Variants in B3GALT1 observed in about 807,000 individuals in gnomAD.
B3GALT1 encodes the protein UDP-Gal:betaGlcNAc beta 1,3-galactosyltransferase, polypeptide 1.
In B3GALT1, 10 loss-of-function variants were observed where a neutral mutation model predicts 23.2. The ratio of observed to expected loss-of-function variants is 0.43; its 90% CI spans 0.27 to 0.73. The LOEUF (loss-of-function observed/expected upper bound fraction) is 0.73. B3GALT1 is among the 30% of genes least tolerant of loss of function. B3GALT1 has a pLI of 0.21. For missense variants in B3GALT1, 299 were observed against 405.4 expected (o/e 0.74, Z 2.25); for synonymous variants, 156 against 141.5 (o/e 1.10, Z -0.73).
chr2:167,803,131 G>A (rs1365637672), intron 3 of B3GALT1, among the ~76,000 whole-genome samples: 4 of 140,334 alleles, frequency 2.9e-5, no homozygotes, highest in Non-Finnish European at 4.5e-5. Context: ...CCCCTTGGTT[G>A]GGCTGGGGAA....
chr2:167,625,469 A>G lies in B3GALT1; in HGVS notation c.-409-21440A>G, dbSNP rs116781194. 8.3e-3 allele frequency among the ~76,000 whole-genome samples: 1,256 copies of G among 151,992 alleles called. 7 individuals carry two copies. The highest frequency in any genetic ancestry group is 0.02 in the South Asian group (99 of 4,832). On this transcript the variant is annotated intron_variant, in intron 2 of 4. Transcript: ENST00000392690. ...AGCAATACAAACAGGTATGTGTCCTATAAGATGATTATTTGATTAGTAAAA... is the reference window on the plus strand; with the variant it reads ...AGCAATACAAACAGGTATGTGTCCTGTAAGATGATTATTTGATTAGTAAAA...
Position 167,742,379 on chromosome 2 carries a change from A to G in B3GALT1, c.-351-76293A>G, listed in dbSNP as rs754338526. Among the ~76,000 whole-genome samples the G allele has an allele frequency of 7.8e-4, 119 of 152,230 alleles. 3 individuals carry two copies. Among genetic ancestry groups the G allele is most frequent in the Non-Finnish European group, 1.3e-4 (9 of 68,056 alleles). ...GTCAGTCCTCACTGGGCAAAAGAGC[A>G]TATCTGGTTCCTGAGAGATGAGAAA... is the stretch of plus-strand genomic sequence containing the variant. On this transcript the variant is annotated intron_variant, in intron 3 of 4. Transcript: ENST00000392690.
intron 2 of B3GALT1, among the ~76,000 whole-genome samples, chr2:167,558,624 G>A (rs189553698): frequency 6.7e-4 from 102 of 152,310 alleles, no homozygotes; most frequent in Admixed American, 2.0e-3. Flanking sequence ...CTTTTCCGAC[G>A]GGCTTAGGAA....
chr2:167,722,592 A>G (rs968743268), intron 3 of B3GALT1, among the ~76,000 whole-genome samples: 4 of 152,204 alleles, frequency 2.6e-5, no homozygotes, highest in Non-Finnish European at 5.9e-5. Flanking sequence ...CCTTAATACC[A>G]CTGAAGCCAG....
At chr2:167,396,801 T>C (rs989021191) in intron 1 of B3GALT1, among the ~76,000 whole-genome samples, 3 of 151,802 alleles carry the variant, frequency 2.0e-5, no homozygotes, top group Admixed American at 6.6e-5. Flanking sequence ...CAAAAACTAA[T>C]GCAAAAAGTA....
chr2:167,718,316 CT>C (rs1050010463), intron 3 of B3GALT1, among the ~76,000 whole-genome samples: 9 of 152,094 alleles, frequency 5.9e-5, no homozygotes, highest in African/African-American at 1.9e-4. Context: ...TCAAACCTCT[CT>C]TATGATTCAT....
chr2:167,811,088 GA>G (rs1278579424), intron 3 of B3GALT1, among the ~76,000 whole-genome samples: 1 of 152,084 alleles, frequency 6.6e-6, no homozygotes, highest in Non-Finnish European at 1.5e-5. Context: ...AAAAAACCTG[GA>G]AAAAATAGCA....
At chr2:167,818,985 CTTAT>C (rs10604682) in intron 4 of B3GALT1, among the ~76,000 whole-genome samples, 192 bp downstream of exon 4, 17,091 of 151,974 alleles carry the variant, frequency 0.11, 1,443 homozygotes, top group East Asian at 0.35. Context: ...CCATAAAAGC[CTTAT>C]TTCTTTTTTA....
intron 2 of B3GALT1, among the ~76,000 whole-genome samples, chr2:167,492,550 CA>C (rs1451472035): frequency 1.3e-5 from 2 of 152,124 alleles, no homozygotes; most frequent in Non-Finnish European, 2.9e-5. Flanking sequence ...AAGGAACTGC[CA>C]AACTGTATTT....
In B3GALT1 at chr2:167,425,778, G is replaced by A. The variant is rs72890158; in HGVS notation, c.-510-64399G>A. Among the ~76,000 whole-genome samples, 318 of 152,118 alleles carry A rather than the reference G, an allele frequency of 2.1e-3. 1 individual carries two copies. The highest frequency in any genetic ancestry group is 2.7e-3 in the Non-Finnish European group (182 of 67,986). On this transcript the variant is annotated intron_variant, in intron 1 of 4. Coordinates refer to ENST00000392690, the MANE Select transcript of B3GALT1 (RefSeq NM_020981.4). ...ATAATGATTTATCGACTTTGTACAT[G>A]ACTTATACACTAATTTTGTAATTAT...
At chr2:167,545,211 A>G (rs1683613193) in intron 2 of B3GALT1, among the ~76,000 whole-genome samples, 1 of 150,792 alleles carries the variant, frequency 6.6e-6, no homozygotes, top group African/African-American at 2.4e-5. Context: ...ATTTTTTTGT[A>G]TTTTTAGTAG....
chr2:167,334,790 GTTTA>G (rs1345168727), intron 1 of B3GALT1, among the ~76,000 whole-genome samples: 3 of 152,102 alleles, frequency 2.0e-5, no homozygotes, highest in Non-Finnish European at 4.4e-5. Flanking sequence ...ATAACCAAAA[GTTTA>G]TTTATATAAA....
chr2:167,714,056 C>T (rs1366768039), intron 3 of B3GALT1: 1 of 1,536,496 alleles, frequency 6.5e-7, no homozygotes, highest in South Asian at 1.1e-5. Context: ...ATTTAAATGA[C>T]CAGGATCATC....
intron 4 of B3GALT1, among the ~76,000 whole-genome samples, chr2:167,822,460 A>G (rs1689128062): frequency 6.6e-6 from 1 of 152,164 alleles, no homozygotes; most frequent in African/African-American, 2.4e-5. Context: ...ATTATTTCAT[A>G]TCTTCACATT....
chr2:167,817,792 C>T (rs1284334331), intron 3 of B3GALT1, among the ~76,000 whole-genome samples: 1 of 152,182 alleles, frequency 6.6e-6, no homozygotes, highest in Non-Finnish European at 1.5e-5. Context: ...GAACATTCCA[C>T]TTTTTATTAT....
chr2:167,473,669 G>T (rs1234371983), intron 1 of B3GALT1, among the ~76,000 whole-genome samples: 1 of 152,038 alleles, frequency 6.6e-6, no homozygotes, highest in Non-Finnish European at 1.5e-5. Flanking sequence ...TCAGTTTTTT[G>T]ATTATCACAA....
chr2:167,365,625 C>T (rs1394337624), intron 1 of B3GALT1, among the ~76,000 whole-genome samples: 5 of 150,220 alleles, frequency 3.3e-5, no homozygotes, highest in Non-Finnish European at 7.4e-5. Context: ...CACACACACA[C>T]GTGCATGCAA....
intron 3 of B3GALT1, among the ~76,000 whole-genome samples, chr2:167,707,246 A>T (rs1686979415): frequency 6.6e-6 from 1 of 152,242 alleles, no homozygotes; most frequent in Admixed American, 6.5e-5. Flanking sequence ...CCCTGCTCAA[A>T]TTATAGGTTT....
chr2:167,391,248 T>C (rs1010400469), intron 1 of B3GALT1, among the ~76,000 whole-genome samples: 1 of 152,226 alleles, frequency 6.6e-6, no homozygotes, highest in Non-Finnish European at 1.5e-5. Flanking sequence ...TGGATAACAG[T>C]ACATTTATGT....
Sources: allele counts gnomAD v4.1 joint callset (sites outside exome capture counted in the v4.1 genomes callset), GRCh38; gene constraint gnomAD v4.1.1; transcripts MANE v1.5; gene names NCBI Gene and HGNC (gene_info 2026-07-23, HGNC 2026-07-21).